Variants in FAM47E observed in about 807,000 individuals in gnomAD.
FAM47E encodes protein FAM47E.
In FAM47E, 32 loss-of-function variants were observed where a neutral mutation model predicts 41.6. The observed-to-expected ratio is 0.77, with a 90% confidence interval of 0.58 to 1.03. FAM47E has a LOEUF of 1.03. FAM47E is among the 50% of genes least tolerant of loss of function. The pLI is 0.00. For synonymous variants in FAM47E, 184 were observed against 188.7 expected, an observed-to-expected ratio of 0.98 and a Z score of 0.20; for missense variants, 424 against 485.4, an observed-to-expected ratio of 0.87 and a Z score of 1.19.
intron 7 of FAM47E, chr4:76,282,248 G>A (rs1735385441): frequency 6.6e-6 from 1 of 152,142 alleles, no homozygotes; most frequent in South Asian, 2.1e-4. Flanking sequence ...AACAGGAGGT[G>A]AAGCTAGACA....
intron 6 of FAM47E, chr4:76,279,139 C>A (rs539906733): frequency 2.6e-5 from 4 of 152,174 alleles, no homozygotes; most frequent in Admixed American, 1.3e-4. Context: ...TTTATGAGCA[C>A]CCCATGTTTA....
At chr4:76,277,827 T>G (rs769268089) in intron 5 of FAM47E, among the ~76,000 whole-genome samples, 10 of 152,196 alleles carry the variant, frequency 6.6e-5, no homozygotes, top group Non-Finnish European at 1.3e-4. Context: ...GAAAGCTGGA[T>G]TTGAACCCTG....
At chr4:76,217,012 G>A (rs1040260743) in intron 1 of FAM47E, among the ~76,000 whole-genome samples, 2 of 152,194 alleles carry the variant, frequency 1.3e-5, no homozygotes, top group Non-Finnish European at 1.5e-5. Context: ...ATGTTCAGAA[G>A]CTTTTGACAC....
At chr4:76,273,741 CTAAT>C (rs1340443423) in intron 5 of FAM47E, among the ~76,000 whole-genome samples, 9 of 152,122 alleles carry the variant, frequency 5.9e-5, no homozygotes, top group African/African-American at 1.9e-4. Context: ...TCCCAGAACT[CTAAT>C]TAACTGTAAT....
In FAM47E at chr4:76,227,497, C is replaced by T. The variant is rs536765606; in HGVS notation, c.81+9809C>T. Among the ~76,000 whole-genome samples the T allele has an allele frequency of 9.9e-4, 150 of 152,082 alleles. 1 individual carries two copies. Among genetic ancestry groups the T allele is most frequent in the Non-Finnish European group, 5.9e-4 (40 of 68,014 alleles). On this transcript the variant is annotated intron_variant, in intron 2 of 7. Coordinates refer to the FAM47E transcript ENST00000510197. ...TGGAGAATGTTCCATGGGCTGATGA[C>T]AAAAATGAATATTCTGCAGTTGTTG...
At chr4:76,217,475 C>CAGG in intron 1 of FAM47E, 2 of 407,354 alleles carry the variant, frequency 4.9e-6, no homozygotes, top group Admixed American at 4.2e-5. Context: ...AGTGAGTTGT[C>CAGG]AGAGAGCGGG....
At chr4:76,261,798 G>A (rs1170155994) in intron 2 of FAM47E, among the ~76,000 whole-genome samples, 1 of 151,834 alleles carries the variant, frequency 6.6e-6, no homozygotes, top group Non-Finnish European at 1.5e-5. Context: ...TAACACACCT[G>A]CACATGTACC....
In FAM47E at chr4:76,270,461, TGA is replaced by T. The variant is rs561196515; in HGVS notation, c.670-1103_670-1102del. 8.5e-5 allele frequency among the ~76,000 whole-genome samples: 13 copies of T among 152,108 alleles called. No individual in the cohort carries two copies. The South Asian group carries it at 2.7e-3, about 32-fold the overall frequency. On this transcript the variant is annotated intron_variant, in intron 4 of 7. Transcript: ENST00000424749. Reference sequence around the variant, plus strand: ...GGTGTCCAGCCCAGCTGCAACAGAGTGAGAGTGACGGACAGAGACTCCTCAGA... The same window carrying T: ...GGTGTCCAGCCCAGCTGCAACAGAGTGAGTGACGGACAGAGACTCCTCAGA...
At chr4:76,257,937 A>G (rs574336414) in intron 2 of FAM47E, among the ~76,000 whole-genome samples, 1 of 151,920 alleles carries the variant, frequency 6.6e-6, no homozygotes, top group Admixed American at 6.5e-5. Context: ...GAATGAATGA[A>G]TAAATGAATG....
At chr4:76,242,205 G>A (rs1023237493) in intron 2 of FAM47E, among the ~76,000 whole-genome samples, 1 of 152,156 alleles carries the variant, frequency 6.6e-6, no homozygotes, top group Non-Finnish European at 1.5e-5. Flanking sequence ...TGGAGGTAGG[G>A]CCTTGTGGGA....
intron 1 of FAM47E, among the ~76,000 whole-genome samples, chr4:76,254,100 C>T (rs148430178): frequency 6.8e-6 from 1 of 147,760 alleles, no homozygotes; most frequent in Non-Finnish European, 1.5e-5. Flanking sequence ...TGTACCCTAG[C>T]TTGAGCAACA....
chr4:76,241,393 G>C (rs1207935795), intron 2 of FAM47E, among the ~76,000 whole-genome samples: 1 of 152,100 alleles, frequency 6.6e-6, no homozygotes, highest in Non-Finnish European at 1.5e-5. Flanking sequence ...AACAATGGCT[G>C]TCATTTCTTC....
chr4:76,230,004 C>T (rs1034198859), intron 2 of FAM47E, among the ~76,000 whole-genome samples: 4 of 152,018 alleles, frequency 2.6e-5, no homozygotes, highest in South Asian at 2.1e-4. Context: ...GCACCAGCTA[C>T]GATAGTAGAA....
intron 2 of FAM47E, among the ~76,000 whole-genome samples, chr4:76,257,240 A>G (rs1011385983): frequency 1.3e-5 from 2 of 152,174 alleles, no homozygotes; most frequent in Non-Finnish European, 2.9e-5. Context: ...CTTTCATCTG[A>G]CTACTCCTAG....
chr4:76,225,525 G>A (rs112796958), intron 2 of FAM47E, among the ~76,000 whole-genome samples: 5,284 of 152,260 alleles, frequency 0.035, 261 homozygotes, highest in African/African-American at 0.11. Context: ...CTGTGGGTTT[G>A]TCATAGATGG....
At chr4:76,219,647 G>A (rs544073050) in intron 2 of FAM47E, among the ~76,000 whole-genome samples, 1 of 152,222 alleles carries the variant, frequency 6.6e-6, no homozygotes, top group African/African-American at 2.4e-5. Flanking sequence ...GTGAAGAGGG[G>A]ACTGTCTGAG....
chr4:76,227,682 CAT>C (rs1344728579), intron 2 of FAM47E, among the ~76,000 whole-genome samples: 1 of 152,040 alleles, frequency 6.6e-6, no homozygotes, highest in African/African-American at 2.4e-5. Context: ...TCTAGTAATA[CAT>C]GTTTTATAAA....
intron 5 of FAM47E, among the ~76,000 whole-genome samples, chr4:76,275,804 T>C (rs932969747): frequency 2.0e-5 from 3 of 152,210 alleles, no homozygotes; most frequent in Non-Finnish European, 4.4e-5. Flanking sequence ...ATTCCATTCC[T>C]CTCCTTCTCC....
chr4:76,231,930 C>T (rs1417857493), intron 2 of FAM47E, among the ~76,000 whole-genome samples: 2 of 152,344 alleles, frequency 1.3e-5, no homozygotes, highest in East Asian at 3.9e-4. Flanking sequence ...TAAAGGAAAG[C>T]ATACCCTTCC....
Sources: gnomAD v4.1 joint callset for allele counts (sites outside exome capture counted in the v4.1 genomes callset) on GRCh38, gnomAD v4.1.1 for gene constraint, MANE v1.5 for transcripts, NCBI Gene and HGNC (gene_info 2026-07-23, HGNC 2026-07-21) for gene names.